AKT3: variants seen among roughly 807,000 people sequenced by gnomAD.
AKT3 encodes the protein AKT serine/threonine kinase 3.
A neutral mutation model predicts 65.3 loss-of-function variants in AKT3; 15 were observed. The observed-to-expected ratio is 0.23, with a 90% CI of 0.15 to 0.35. The LOEUF (loss-of-function observed/expected upper bound fraction) is 0.35. Among genes scored for constraint, AKT3 ranks in the 10% least tolerant of loss-of-function variants. The pLI, the probability that AKT3 is intolerant of heterozygous loss-of-function variation, is 1.00. For synonymous variants in AKT3, 206 were observed against 183.8 expected, an observed-to-expected ratio of 1.12 and a Z score of -0.98; for missense variants, 243 against 576.5, an observed-to-expected ratio of 0.42 and a Z score of 5.92.
At chr1:243,663,961 C>T (rs1207428105) in intron 4 of AKT3, among the ~76,000 whole-genome samples, 1 of 152,052 alleles carries the variant, frequency 6.6e-6, no homozygotes, top group Non-Finnish European at 1.5e-5. Flanking sequence ...GTTGTCACTA[C>T]CCACTTTAGT....
intron 2 of AKT3, among the ~76,000 whole-genome samples, chr1:243,717,993 C>A (rs916576385): frequency 1.3e-4 from 20 of 152,170 alleles, no homozygotes; most frequent in Admixed American, 1.2e-3. Context: ...TGCAACATTT[C>A]TATGATTACA....
intron 4 of AKT3, among the ~76,000 whole-genome samples, chr1:243,646,300 C>A (rs1159104671): frequency 1.3e-5 from 2 of 150,872 alleles, no homozygotes; most frequent in Middle Eastern, 3.4e-3. Flanking sequence ...GTTGAAAACT[C>A]GAGTTAAAAT....
chr1:243,508,360 C>G (rs935767957), intron 13 of AKT3, among the ~76,000 whole-genome samples: 3 of 152,238 alleles, frequency 2.0e-5, no homozygotes, highest in Non-Finnish European at 4.4e-5. Context: ...CTGAGCGCTG[C>G]GCTCTGCTGA....
intron 2 of AKT3, among the ~76,000 whole-genome samples, chr1:243,708,335 A>ATT (rs1214981581): frequency 6.6e-6 from 1 of 152,050 alleles, no homozygotes; most frequent in Non-Finnish European, 1.5e-5. Context: ...AAGCTTATAG[A>ATT]TAATATAAAT....
intron 8 of AKT3, among the ~76,000 whole-genome samples, chr1:243,592,473 A>G (rs772130990): frequency 3.3e-5 from 5 of 152,234 alleles, no homozygotes; most frequent in Non-Finnish European, 7.3e-5. Context: ...GCGACCACAG[A>G]AAAAAAGACA....
intron 2 of AKT3, among the ~76,000 whole-genome samples, chr1:243,769,946 T>A (rs1690072294): frequency 6.6e-6 from 1 of 152,202 alleles, no homozygotes. Context: ...TTAGTTCTTA[T>A]AATTTAGGTG....
At chr1:243,499,250 G>GAAAGT (rs1668889875), downstream of AKT3, among the ~76,000 whole-genome samples, 1 of 152,226 alleles carries the variant, frequency 6.6e-6, no homozygotes, top group South Asian at 2.1e-4. Context: ...GTTTCCATGT[G>GAAAGT]AAAGTACTTT....
intron 9 of AKT3, among the ~76,000 whole-genome samples, chr1:243,567,221 G>A (rs1267545461): frequency 6.6e-6 from 1 of 152,156 alleles, no homozygotes; most frequent in African/African-American, 2.4e-5. Flanking sequence ...GTGTGGGGAG[G>A]TTGTAATATG....
intron 12 of AKT3, among the ~76,000 whole-genome samples, chr1:243,534,104 T>TA (rs953798480): frequency 6.6e-5 from 10 of 151,438 alleles, no homozygotes; most frequent in South Asian, 2.1e-4. Flanking sequence ...TCAGAGTAGA[T>TA]AAAAAAAACA....
intron 8 of AKT3, among the ~76,000 whole-genome samples, chr1:243,593,766 A>C (rs1676404640): frequency 6.6e-6 from 1 of 152,234 alleles, no homozygotes; most frequent in Non-Finnish European, 1.5e-5. Flanking sequence ...CACTGATGGT[A>C]AAATATTCTA....
chr1:243,664,391 C>T (rs867684560), intron 4 of AKT3, among the ~76,000 whole-genome samples: 9 of 151,122 alleles, frequency 6.0e-5, no homozygotes, highest in Middle Eastern at 3.4e-3. Context: ...TTTTTAGTAG[C>T]GACAGGGTTT....
At chr1:243,592,755 C>T (rs1043570458) in intron 8 of AKT3, among the ~76,000 whole-genome samples, 6 of 152,032 alleles carry the variant, frequency 3.9e-5, no homozygotes, top group Admixed American at 3.3e-4. Context: ...AGGATCTACC[C>T]ACAGGACAGA....
chr1:243,527,892 C>CAAGCAAGACTCCATCTCTTAAA (rs1671229923), intron 12 of AKT3, among the ~76,000 whole-genome samples: 11 of 101,330 alleles, frequency 1.1e-4, no homozygotes, highest in African/African-American at 4.8e-4. Flanking sequence ...CACACACACA[C>CAAGCAAGACTCCATCTCTTAAA]ACACACACAC....
At chr1:243,601,747 T>C (rs1677020012) in intron 8 of AKT3, among the ~76,000 whole-genome samples, 1 of 152,122 alleles carries the variant, frequency 6.6e-6, no homozygotes. Context: ...AAACTACTGA[T>C]ATATGGAACA....
rs1172388560 is a variant in AKT3 at position 243,693,243 on chromosome 1, GATATATATATATATATAT to G, written c.172+2330_172+2347del. On this transcript the variant is annotated intron_variant, in intron 3 of 13. Transcript: ENST00000673466. Reference sequence around the variant, plus strand: ...TATATCCCTTTGGTAGCTACAATTTGATATATATATATATATATATATATATATATATATATATATATA... The same window carrying G: ...TATATCCCTTTGGTAGCTACAATTTGATATATATATATATATATATATATA... 1.9e-3 allele frequency among the ~76,000 whole-genome samples: 87 copies of G among 45,402 alleles called. 4 individuals carry two copies. The South Asian group carries it at 0.02, about 11-fold the overall frequency. 29.8% of individuals were successfully genotyped at this position (45,402 alleles called of 152,430 possible).
chr1:243,572,653 A>G (rs1045729333), intron 9 of AKT3, among the ~76,000 whole-genome samples: 1 of 152,140 alleles, frequency 6.6e-6, no homozygotes, highest in African/African-American at 2.4e-5. Flanking sequence ...GTAACTTGTG[A>G]ATTTATTTGA....
chr1:243,617,333 C>A (rs1678406777), intron 6 of AKT3, among the ~76,000 whole-genome samples: 1 of 151,910 alleles, frequency 6.6e-6, no homozygotes, highest in African/African-American at 2.4e-5. Flanking sequence ...AGTTAATGAG[C>A]ATCACAGAGG....
rs186246631 is a variant in AKT3, at chr1:243,585,446, A to C, written c.697-12398T>G. On this transcript the variant is annotated intron_variant, in intron 8 of 13. Transcript: ENST00000673466. ...CAGAATAGCCAAAGCAATCCTAATC[A>C]AAAAGAAGAAAGCTAGAGGTATCAA... Among the ~76,000 whole-genome samples, 3 of 152,256 alleles carry C rather than the reference A, an allele frequency of 2.0e-5. No individual in the cohort carries two copies. The East Asian group carries it at 5.8e-4, about 29-fold the overall frequency.
intron 3 of AKT3, among the ~76,000 whole-genome samples, chr1:243,692,600 T>A (rs993683093): frequency 2.6e-5 from 4 of 151,664 alleles, no homozygotes; most frequent in East Asian, 1.9e-4. Context: ...TAGCCAGGCA[T>A]GGTGGTGTGC....
Sources: gnomAD v4.1 joint callset for allele counts (sites outside exome capture counted in the v4.1 genomes callset) on GRCh38, gnomAD v4.1.1 for gene constraint, MANE v1.5 for transcripts, NCBI Gene and HGNC (gene_info 2026-07-23, HGNC 2026-07-21) for gene names.